KLHL1: variants seen among roughly 807,000 people sequenced by gnomAD.
KLHL1 encodes kelch-like protein 1.
A neutral mutation model predicts 77.7 loss-of-function variants in KLHL1; 47 were observed. The observed-to-expected ratio is 0.60, with a 90% CI of 0.48 to 0.77. The LOEUF (loss-of-function observed/expected upper bound fraction) is 0.77. KLHL1 is among the 30% of genes least tolerant of loss of function. The probability of loss-of-function intolerance (pLI) is 0.00; values close to 1 mark genes in which losing one functional copy is unlikely to be tolerated. For missense variants in KLHL1, 925 were observed against 910.8 expected (o/e 1.02, Z -0.20); for synonymous variants, 360 against 325.2 (o/e 1.11, Z -1.15).
chr13:70,061,402 G>A, intron 1 of KLHL1, among the ~76,000 whole-genome samples: 1 of 145,266 alleles, frequency 6.9e-6, no homozygotes, highest in East Asian at 2.2e-4. Flanking sequence ...TTGGGTTTAA[G>A]TGGTTTTTAC....
chr13:69,739,939 C>T (rs1873915779), intron 8 of KLHL1, among the ~76,000 whole-genome samples: 1 of 152,192 alleles, frequency 6.6e-6, no homozygotes, highest in Admixed American at 6.5e-5. Context: ...CAGGACACTT[C>T]TAAACACTCT....
intron 1 of KLHL1, among the ~76,000 whole-genome samples, chr13:70,037,237 G>A (rs1350933383): frequency 6.6e-6 from 1 of 151,982 alleles, no homozygotes; most frequent in Non-Finnish European, 1.5e-5. Context: ...ACAGTTTGTG[G>A]TAAAGTCTCT....
intron 1 of KLHL1, among the ~76,000 whole-genome samples, chr13:70,029,077 G>A (rs1345790431): frequency 6.6e-6 from 1 of 152,012 alleles, no homozygotes; most frequent in African/African-American, 2.4e-5. Context: ...TATAATGACT[G>A]TTTATTGCAA....
At chr13:69,744,307 T>C (rs1874110054) in intron 7 of KLHL1, among the ~76,000 whole-genome samples, 2 of 152,102 alleles carry the variant, frequency 1.3e-5, no homozygotes, top group Non-Finnish European at 1.5e-5. Context: ...GGCTTATCAT[T>C]GGCTTTCATA....
At chr13:69,984,203 G>T (rs145417021) in intron 1 of KLHL1, among the ~76,000 whole-genome samples, 1 of 152,142 alleles carries the variant, frequency 6.6e-6, no homozygotes, top group Non-Finnish European at 1.5e-5. Flanking sequence ...AGATAGTGAG[G>T]GTACGGATGT....
chr13:69,923,910 C>A (rs919868351), intron 4 of KLHL1, among the ~76,000 whole-genome samples: 17 of 152,186 alleles, frequency 1.1e-4, no homozygotes, highest in African/African-American at 3.9e-4. Context: ...GCCTGGGAAG[C>A]CCCACCCTGC....
chr13:69,792,150 A>G (rs1313473283), intron 7 of KLHL1, among the ~76,000 whole-genome samples: 3 of 152,168 alleles, frequency 2.0e-5, no homozygotes, highest in East Asian at 3.9e-4. Flanking sequence ...GGGAGAAAAT[A>G]TTTACAAATC....
chr13:69,724,999 T>G (rs1873232032), intron 8 of KLHL1, among the ~76,000 whole-genome samples: 1 of 152,150 alleles, frequency 6.6e-6, no homozygotes, highest in Admixed American at 6.6e-5. Context: ...CTCAAGTGAA[T>G]GCTGCACATG....
intron 1 of KLHL1, among the ~76,000 whole-genome samples, chr13:70,073,847 T>C (rs1379466925): frequency 1.3e-5 from 2 of 151,510 alleles, no homozygotes; most frequent in Non-Finnish European, 1.5e-5. Context: ...TTTTTTGAGA[T>C]GGAGTCTCGC....
intron 5 of KLHL1, among the ~76,000 whole-genome samples, chr13:69,840,088 TTGAA>T (rs138801195): frequency 0.05 from 7,606 of 152,110 alleles, 264 homozygotes; most frequent in Admixed American, 0.072. Flanking sequence ...CAAATGTTCA[TTGAA>T]TGAATAAAAA....
At chr13:69,880,981 G>T (rs73508478) in intron 5 of KLHL1, among the ~76,000 whole-genome samples, 8,709 of 151,996 alleles carry the variant, frequency 0.057, 630 homozygotes, top group African/African-American at 0.17. Flanking sequence ...AAGATTACCC[G>T]CCCAAACTCT....
At chr13:70,085,918 A>T (rs1887524672) in intron 1 of KLHL1, among the ~76,000 whole-genome samples, 1 of 152,168 alleles carries the variant, frequency 6.6e-6, no homozygotes, top group Admixed American at 6.5e-5. Flanking sequence ...GGATTATGTG[A>T]GTCTGTCTAT....
At chr13:69,783,020 C>T (rs1009154104) in intron 7 of KLHL1, among the ~76,000 whole-genome samples, 4 of 152,160 alleles carry the variant, frequency 2.6e-5, no homozygotes, top group Non-Finnish European at 5.9e-5. Flanking sequence ...TGCTGTTCTA[C>T]AGCCACTGCT....
chr13:70,035,355 T>C (rs1992425), intron 1 of KLHL1, among the ~76,000 whole-genome samples: 2,300 of 152,214 alleles, frequency 0.015, 47 homozygotes, highest in African/African-American at 0.052. Context: ...TCATATGTTC[T>C]CAATTGTTTG....
At chr13:70,044,757 T>C (rs1886455065) in intron 1 of KLHL1, among the ~76,000 whole-genome samples, 1 of 152,218 alleles carries the variant, frequency 6.6e-6, no homozygotes, top group Non-Finnish European at 1.5e-5. Context: ...AATTGCATTT[T>C]AGGATTAAAG....
At chr13:69,792,970 T>C (rs913344519) in intron 7 of KLHL1, among the ~76,000 whole-genome samples, 1 of 152,146 alleles carries the variant, frequency 6.6e-6, no homozygotes, top group African/African-American at 2.4e-5. Flanking sequence ...TGTCTGCTCA[T>C]CTCAATATAT....
At chr13:69,948,987 A>G (rs1883619059) in intron 3 of KLHL1, among the ~76,000 whole-genome samples, 1 of 151,938 alleles carries the variant, frequency 6.6e-6, no homozygotes, top group Non-Finnish European at 1.5e-5. Flanking sequence ...CATTTTTAGT[A>G]ACTCATAGGT....
chr13:69,964,177 A>T (rs1353752056), intron 2 of KLHL1, among the ~76,000 whole-genome samples: 2 of 152,064 alleles, frequency 1.3e-5, no homozygotes, highest in Non-Finnish European at 2.9e-5. Flanking sequence ...TCAAACAGCT[A>T]GGATCACAAG....
intron 1 of KLHL1, among the ~76,000 whole-genome samples, chr13:70,062,174 C>T (rs1348176): frequency 0.36 from 54,074 of 151,922 alleles, 10,746 homozygotes; most frequent in African/African-American, 0.54. Context: ...CTTGTATTTT[C>T]TGAAACATAA....
Sources: gnomAD v4.1 joint callset for allele counts (sites outside exome capture counted in the v4.1 genomes callset) on GRCh38, gnomAD v4.1.1 for gene constraint, MANE v1.5 for transcripts, NCBI Gene and HGNC (gene_info 2026-07-23, HGNC 2026-07-21) for gene names.